DENND5B: variants seen among roughly 807,000 people sequenced by gnomAD.
DENND5B encodes the protein DENN domain containing 5B, also known as DENN domain-containing protein 5B.
DENND5B carries 34 observed loss-of-function variants against 140.6 expected under a neutral mutation model. The observed-to-expected ratio is 0.24, with a 90% CI of 0.18 to 0.32. The LOEUF (loss-of-function observed/expected upper bound fraction) is 0.32. Among genes scored for constraint, DENND5B ranks in the 10% least tolerant of loss-of-function variants. The pLI, the probability that DENND5B is intolerant of heterozygous loss-of-function variation, is 1.00. For synonymous variants in DENND5B, 551 were observed against 562.1 expected (o/e 0.98, Z 0.28); for missense variants, 1,142 against 1,560.2 (o/e 0.73, Z 4.52).
intron 1 of DENND5B, among the ~76,000 whole-genome samples, chr12:31,580,644 A>C (rs1481014743): frequency 2.6e-5 from 4 of 151,998 alleles, no homozygotes. Flanking sequence ...ACAGGCAAAC[A>C]CCACCACGCC....
chr12:31,532,176 A>G (rs942773833), intron 1 of DENND5B, among the ~76,000 whole-genome samples: 1 of 152,236 alleles, frequency 6.6e-6, no homozygotes, highest in Non-Finnish European at 1.5e-5. Context: ...AAGGGGTGGC[A>G]TGGAGTACTC....
chr12:31,398,412 G>T lies in DENND5B; in HGVS notation c.3069-50C>A, dbSNP rs942283732. 13 of 1,497,262 alleles carry T rather than the reference G, an allele frequency of 8.7e-6. No individual in the cohort carries two copies. The African/African-American group carries it at 1.7e-4, about 20-fold the overall frequency. 92.7% of individuals were successfully genotyped at this position (1,497,262 alleles called of 1,614,324 possible). A position where few individuals can be genotyped will look rare whatever the true frequency, so the allele number is the denominator to read the frequency against. On this transcript the variant is annotated intron_variant, in intron 16 of 20. Transcript: ENST00000389082. Reference sequence around the variant, plus strand: ...TTATTTTTTATTTTTTTGAGACAGGGTTCCCGCTCAGCCCCCTGAGTAGTT... The same window carrying T: ...TTATTTTTTATTTTTTTGAGACAGGTTTCCCGCTCAGCCCCCTGAGTAGTT...
At chr12:31,461,632 A>G (rs1945024825) in intron 3 of DENND5B, among the ~76,000 whole-genome samples, 1 of 152,236 alleles carries the variant, frequency 6.6e-6, no homozygotes, top group African/African-American at 2.4e-5. Flanking sequence ...TTCTGCAGCA[A>G]ACCATATATG....
intron 14 of DENND5B, among the ~76,000 whole-genome samples, chr12:31,408,716 C>T (rs1942275585): frequency 6.7e-6 from 1 of 150,370 alleles, no homozygotes; most frequent in Non-Finnish European, 1.5e-5. Flanking sequence ...ATTATTAACA[C>T]ACAGATACTT....
intron 5 of DENND5B, among the ~76,000 whole-genome samples, chr12:31,450,331 A>C (rs1593197004): frequency 6.6e-6 from 1 of 150,978 alleles, no homozygotes; most frequent in African/African-American, 2.4e-5. Flanking sequence ...TCATCCTCCA[A>C]CAGAAAAAAT....
intron 14 of DENND5B, among the ~76,000 whole-genome samples, chr12:31,404,167 G>A (rs1168648595): frequency 6.6e-6 from 1 of 152,104 alleles, no homozygotes; most frequent in Non-Finnish European, 1.5e-5. Flanking sequence ...CAAGGATGCA[G>A]TGAACTCTGA....
At position 31,541,710 on chromosome 12, in the gene DENND5B, A is replaced by T. The variant is rs1948685265; in HGVS notation, c.128-45791T>A. Among the ~76,000 whole-genome samples, 5 of 152,366 alleles carry T rather than the reference A, an allele frequency of 3.3e-5. No individual in the cohort carries two copies. The South Asian group carries it at 1.0e-3, about 32-fold the overall frequency. Reference sequence around the variant, plus strand: ...TCCCACTCCTAGGTATATACCCAAAATAAAGGAAATCAGTATATCGAAGCG... The same window carrying T: ...TCCCACTCCTAGGTATATACCCAAATTAAAGGAAATCAGTATATCGAAGCG... On this transcript the variant is annotated intron_variant, in intron 1 of 20. Transcript: ENST00000389082.
chr12:31,389,556 G>C, intron 19 of DENND5B, 58 bp from the exon 20 acceptor site: 4 of 1,461,590 alleles, frequency 2.7e-6, no homozygotes, highest in Non-Finnish European at 3.7e-6. Context: ...TATATAGAAA[G>C]ATTCATCACT....
intron 1 of DENND5B, among the ~76,000 whole-genome samples, chr12:31,536,440 T>C (rs988625425): frequency 2.0e-5 from 3 of 152,024 alleles, no homozygotes; most frequent in Non-Finnish European, 4.4e-5. Context: ...TATTGAAGAA[T>C]GCATCAGAGT....
chr12:31,435,194 A>G (rs954128958), intron 7 of DENND5B, among the ~76,000 whole-genome samples: 55 of 151,834 alleles, frequency 3.6e-4, no homozygotes, highest in South Asian at 8.3e-4. Flanking sequence ...CCCATGAATC[A>G]CTTCACCTGC....
intron 7 of DENND5B, among the ~76,000 whole-genome samples, chr12:31,435,658 TTTTAG>T (rs144522385): frequency 0.57 from 86,234 of 151,464 alleles, 24,986 homozygotes; most frequent in East Asian, 0.82. Context: ...TTAAATTTTG[TTTTAG>T]TTTGTTTGTT....
chr12:31,486,752 C>G (rs1464934090), intron 2 of DENND5B, among the ~76,000 whole-genome samples: 3 of 152,220 alleles, frequency 2.0e-5, no homozygotes, highest in Non-Finnish European at 2.9e-5. Context: ...TAAGTCTCTA[C>G]ATAAATACTA....
At chr12:31,439,929 CAAAAAAAAAAAAAAA>C (rs67272470) in intron 7 of DENND5B, among the ~76,000 whole-genome samples, 2 of 52,298 alleles carry the variant, frequency 3.8e-5, no homozygotes, top group East Asian at 7.7e-4. Flanking sequence ...GACTCCGTCT[CAAAAAAAAAAAAAAA>C]AAAAAAAAAA....
At chr12:31,421,851 C>T (rs544760745) in intron 11 of DENND5B, among the ~76,000 whole-genome samples, 1 of 152,272 alleles carries the variant, frequency 6.6e-6, no homozygotes, top group African/African-American at 2.4e-5. Context: ...ACATGCCTGG[C>T]CTCATTACTA....
chr12:31,409,474 C>G (rs1440548854), intron 13 of DENND5B, 90 bp from the exon 14 acceptor site: 1 of 285,108 alleles, frequency 3.5e-6, no homozygotes, highest in Non-Finnish European at 4.7e-6. Context: ...TTCATTATGT[C>G]TTTTTTTTTT....
intron 1 of DENND5B, among the ~76,000 whole-genome samples, chr12:31,570,449 T>G (rs12305954): frequency 0.077 from 11,724 of 151,324 alleles, 1,045 homozygotes; most frequent in African/African-American, 0.22. Flanking sequence ...CGGCTAATTT[T>G]TGTATTTTTA....
chr12:31,430,538 G>A (rs1234294589), intron 8 of DENND5B, among the ~76,000 whole-genome samples: 1 of 147,970 alleles, frequency 6.8e-6, no homozygotes, highest in African/African-American at 2.5e-5. Flanking sequence ...GGTGGGCGTG[G>A]TACGTGCCTG....
intron 17 of DENND5B, among the ~76,000 whole-genome samples, chr12:31,396,067 T>TTTG (rs1220195208): frequency 7.0e-6 from 1 of 143,762 alleles, no homozygotes; most frequent in Admixed American, 7.0e-5. Context: ...TTTTTTTTTT[T>TTTG]TTTTTTTTTT....
At chr12:31,548,502 T>A (rs78987447) in intron 1 of DENND5B, among the ~76,000 whole-genome samples, 3,123 of 152,300 alleles carry the variant, frequency 0.021, 57 homozygotes, top group South Asian at 0.052. Context: ...ACTGCCACTT[T>A]AAAAACTTGA....
Sources: gnomAD v4.1 joint callset for allele counts (sites outside exome capture counted in the v4.1 genomes callset) on GRCh38, gnomAD v4.1.1 for gene constraint, MANE v1.5 for transcripts, NCBI Gene and HGNC (gene_info 2026-07-23, HGNC 2026-07-21) for gene names.